Variants in GRIP2 observed in about 807,000 individuals in gnomAD.
GRIP2 encodes the protein glutamate receptor-interacting protein 2.
A neutral mutation model predicts 108.3 loss-of-function variants in GRIP2; 58 were observed. The observed-to-expected ratio is 0.54, with a 90% confidence interval of 0.43 to 0.67. GRIP2 has a LOEUF of 0.67. Ranked by LOEUF, GRIP2 falls within the 30% of genes least tolerant of loss-of-function variation. The pLI is 0.00. For synonymous variants in GRIP2, 586 were observed against 598.2 expected, an observed-to-expected ratio of 0.98 and a Z score of 0.30; for missense variants, 1,278 against 1,430.6, an observed-to-expected ratio of 0.89 and a Z score of 1.72.
rs1701379530 is a variant in GRIP2 at position 14,493,400 on chromosome 3, C to T, written c.*265G>A. The T allele has an allele frequency of 2.1e-6, 1 of 475,366 alleles. No homozygotes were observed. The highest frequency in any genetic ancestry group is 3.7e-6 in the Non-Finnish European group (1 of 267,776). The allele number at this position is 475,366 out of a possible 1,614,324, so 29.4% of individuals were successfully genotyped here. A position where few individuals can be genotyped will look rare whatever the true frequency, so the allele number is the denominator to read the frequency against. ...TCTCGGCTGAGCAGCCTGTGCCAAC[C>T]CTTCTTAAGGGAGGCTCCTCTGGGC... On this transcript the variant is annotated 3_prime_UTR_variant, in exon 24 of 24. Coordinates refer to ENST00000621039, the MANE Select transcript of GRIP2 (RefSeq NM_001080423.4).
At chr3:14,556,925 A>G (rs1455740778), upstream of GRIP2, among the ~76,000 whole-genome samples, 3 of 152,210 alleles carry the variant, frequency 2.0e-5, no homozygotes, top group Non-Finnish European at 4.4e-5. Context: ...CTCTCTACCA[A>G]GGCAGGTGTT....
intron 1 of GRIP2, among the ~76,000 whole-genome samples, chr3:14,527,159 T>A (rs1694578060): frequency 6.6e-6 from 1 of 151,484 alleles, no homozygotes; most frequent in African/African-American, 2.4e-5. Context: ...TGCATTCCAG[T>A]GACAGAGAGA....
chr3:14,514,221 A>G, intron 12 of GRIP2, 71 bp downstream of exon 12: 1 of 1,340,522 alleles, frequency 7.5e-7, no homozygotes, highest in Non-Finnish European at 1.0e-6. Context: ...TTGTGAAGCT[A>G]GGGCTTGGTG....
rs369697742 is a variant in GRIP2 at position 14,519,184 on chromosome 3, GTTCA to G, written c.1030+922_1030+925del. Among the ~76,000 whole-genome samples the G allele has an allele frequency of 8.9e-4, 136 of 152,330 alleles. 4 individuals carry two copies. In the South Asian group the frequency reaches 0.026, roughly 29 times the overall value. On this transcript the variant is annotated intron_variant, in intron 9 of 23. Transcript: ENST00000621039. ...CACCCAGACCAGTCCCTGGACTGTGGTTCATTCAGTGTGGCTTTTTCAGAAGCTG... is the reference window on the plus strand; with the variant it reads ...CACCCAGACCAGTCCCTGGACTGTGGTTCAGTGTGGCTTTTTCAGAAGCTG...
chr3:14,586,353 A>G, the GRIP2 span, among the ~76,000 whole-genome samples: 44 of 152,326 alleles, frequency 2.9e-4, no homozygotes, highest in African/African-American at 1.0e-3. Flanking sequence ...ACTGTACCCC[A>G]GCACTTAGTG....
chr3:14,569,351 C>T, the GRIP2 span, among the ~76,000 whole-genome samples: 2 of 152,224 alleles, frequency 1.3e-5, no homozygotes, highest in Non-Finnish European at 2.9e-5. Context: ...ACCCATTTTA[C>T]AGTTGGGGAA....
chr3:14,525,766 G>A, intron 2 of GRIP2, 85 bp downstream of exon 2: 1 of 1,382,702 alleles, frequency 7.2e-7, no homozygotes, highest in East Asian at 2.5e-5. Context: ...GCAAGTCAGT[G>A]GCAGAGCCGT....
At chr3:14,503,935 G>C in intron 20 of GRIP2, 4 of 501,668 alleles carry the variant, frequency 8.0e-6, no homozygotes, top group Non-Finnish European at 1.4e-5. Flanking sequence ...ACGGGGTGGA[G>C]AGCGGTGACA....
At position 14,512,749 on chromosome 3, in the gene GRIP2, G is replaced by T. The variant is rs772085311; in HGVS notation, c.1720+28C>A. The T allele has an allele frequency of 6.2e-7, 1 of 1,604,642 alleles. No individual in the cohort carries two copies. Among genetic ancestry groups the T allele is most frequent in the South Asian group, 1.1e-5 (1 of 90,830 alleles). On this transcript the variant is annotated intron_variant, in intron 14 of 23. Transcript: ENST00000621039. This position sits in a 1 kb window ranked among gnomAD's most constrained non-coding sequence, Gnocchi z 5.1. ...CCCCAGCAGTTGAGCTCGCTCCCAG[G>T]GGCAAACAGCAGCGGGAGGAGACTC...
At chr3:14,554,796 G>C (rs1374535531) in intron 1 of GRIP2, among the ~76,000 whole-genome samples, 1 of 152,178 alleles carries the variant, frequency 6.6e-6, no homozygotes, top group African/African-American at 2.4e-5. Flanking sequence ...TAACCGCTCT[G>C]TGCCTCACTT....
chr3:14,528,440 T>C (rs1694621092), intron 1 of GRIP2, among the ~76,000 whole-genome samples: 1 of 152,220 alleles, frequency 6.6e-6, no homozygotes, highest in African/African-American at 2.4e-5. Flanking sequence ...TGGTTAACTT[T>C]ATAAGAAACT....
At chr3:14,552,320 C>T (rs1400674493) in intron 1 of GRIP2, among the ~76,000 whole-genome samples, 1 of 152,186 alleles carries the variant, frequency 6.6e-6, no homozygotes, top group Non-Finnish European at 1.5e-5. Flanking sequence ...TCATCACAGA[C>T]ATGCACCACG....
intron 21 of GRIP2, among the ~76,000 whole-genome samples, chr3:14,500,436 A>G (rs1418557619): frequency 6.6e-6 from 1 of 152,250 alleles, no homozygotes; most frequent in African/African-American, 2.4e-5. Context: ...ACTGAGACAC[A>G]TCAGAGCAAG....
the GRIP2 span, among the ~76,000 whole-genome samples, chr3:14,587,429 G>A: frequency 2.0e-5 from 3 of 151,826 alleles, no homozygotes; most frequent in Non-Finnish European, 2.9e-5. Context: ...TCAGGAGTTC[G>A]AGACCAGCCG....
intron 9 of GRIP2, among the ~76,000 whole-genome samples, chr3:14,518,598 A>G (rs1204190146): frequency 6.6e-6 from 1 of 151,958 alleles, no homozygotes; most frequent in Non-Finnish European, 1.5e-5. Context: ...CAAACTGGCC[A>G]CCATACAACA....
At position 14,510,002 on chromosome 3, in the gene GRIP2, G is replaced by A. The variant is rs1348550771; in HGVS notation, c.1934-38C>T. 2.9e-6 allele frequency: 4 copies of A among 1,391,146 alleles called. No individual in the cohort carries two copies. The Admixed American group carries it at 9.2e-5, about 32-fold the overall frequency. 86.2% of individuals were successfully genotyped at this position (1,391,146 alleles called of 1,614,324 possible). A position where few individuals can be genotyped will look rare whatever the true frequency, so the allele number is the denominator to read the frequency against. ...GGACCCATGAGGAGGAGGCCCCCGAGGGGGTACCCAGCTTCCTAAAGCCTT... is the reference window on the plus strand; with the variant it reads ...GGACCCATGAGGAGGAGGCCCCCGAAGGGGTACCCAGCTTCCTAAAGCCTT... On this transcript the variant is annotated intron_variant, in intron 16 of 23. Transcript: ENST00000621039.
At position 14,493,722 on chromosome 3, in the gene GRIP2, C is replaced by T. The variant is rs565606434; in HGVS notation, c.3075G>A (p.Thr1025=). 24 of 1,610,706 alleles carry T rather than the reference C, an allele frequency of 1.5e-5. No homozygotes were observed. Among genetic ancestry groups the T allele is most frequent in the African/African-American group, 4.0e-5 (3 of 74,898 alleles). Residue 1025 remains threonine, a synonymous_variant, in exon 24 of 24, where the codon ACG becomes ACA. Transcript: ENST00000621039. The stretch of plus-strand genomic sequence containing the variant: ...ATCGGGGGGCCCGGCTGCTGTGTGC[C>T]GTGTGCGGCTTGCGGCTGATGATCA... The part of the protein sequence containing the change: ...LELIISRKPH[T]AHSSRAPRSP...
intron 1 of GRIP2, among the ~76,000 whole-genome samples, chr3:14,550,109 T>C (rs1203973352): frequency 6.6e-6 from 1 of 152,210 alleles, no homozygotes; most frequent in African/African-American, 2.4e-5. Context: ...AGGACAGGGC[T>C]TGACCCTGGG....
At chr3:14,565,124 T>C in the GRIP2 span, among the ~76,000 whole-genome samples, 1 of 152,040 alleles carries the variant, frequency 6.6e-6, no homozygotes, top group African/African-American at 2.4e-5. Context: ...AAGTGGGAGA[T>C]GGGATCAGGC....
Sources: allele counts gnomAD v4.1 joint callset (sites outside exome capture counted in the v4.1 genomes callset), GRCh38; gene constraint gnomAD v4.1.1; non-coding constraint Gnocchi (gnomAD v3.1); transcripts MANE v1.5; gene names NCBI Gene and HGNC (gene_info 2026-07-23, HGNC 2026-07-21).